CTNNA3: variants seen among roughly 807,000 people sequenced by gnomAD.
CTNNA3 encodes the protein catenin alpha-3.
In CTNNA3, 76 loss-of-function variants were observed where a neutral mutation model predicts 95.7. The observed-to-expected ratio is 0.79, with a 90% CI of 0.66 to 0.96. The LOEUF (loss-of-function observed/expected upper bound fraction) is 0.96. Among genes scored for constraint, CTNNA3 ranks in the 40% least tolerant of loss-of-function variants. The pLI, the probability that CTNNA3 is intolerant of heterozygous loss-of-function variation, is 0.00. For synonymous variants in CTNNA3, 431 were observed against 374.4 expected, an observed-to-expected ratio of 1.15 and a Z score of -1.74; for missense variants, 1,191 against 1,089.8, an observed-to-expected ratio of 1.09 and a Z score of -1.31.
At chr10:67,312,693 T>C (rs1840862374) in intron 5 of CTNNA3, among the ~76,000 whole-genome samples, 1 of 152,336 alleles carries the variant, frequency 6.6e-6, no homozygotes, top group Non-Finnish European at 1.5e-5. Flanking sequence ...TTCATTAGCA[T>C]GTCCCTGGAC....
chr10:67,077,030 T>C (rs1036546001), intron 7 of CTNNA3, among the ~76,000 whole-genome samples: 2 of 152,158 alleles, frequency 1.3e-5, no homozygotes, highest in African/African-American at 4.8e-5. Context: ...CATGAAGATA[T>C]TTGTGCATCC....
chr10:67,499,770 G>C (rs1589362743), intron 5 of CTNNA3, among the ~76,000 whole-genome samples: 1 of 152,246 alleles, frequency 6.6e-6, no homozygotes, highest in African/African-American at 2.4e-5. Context: ...TGTGGGATCG[G>C]TGGTGATATC....
At chr10:66,210,608 CTTACTT>C (rs1371996541) in intron 13 of CTNNA3, among the ~76,000 whole-genome samples, 4 of 151,950 alleles carry the variant, frequency 2.6e-5, no homozygotes, top group Non-Finnish European at 4.4e-5. Flanking sequence ...TAGGTACACT[CTTACTT>C]TTACAGAAAT....
intron 9 of CTNNA3, among the ~76,000 whole-genome samples, chr10:66,695,998 A>C (rs544758154): frequency 6.6e-6 from 1 of 152,208 alleles, no homozygotes; most frequent in African/African-American, 2.4e-5. Flanking sequence ...CTTTGCCAGA[A>C]GTTCAAGTCA....
intron 9 of CTNNA3, among the ~76,000 whole-genome samples, chr10:66,742,873 T>C (rs759064582): frequency 9.2e-5 from 14 of 152,368 alleles, no homozygotes; most frequent in South Asian, 2.1e-4. Flanking sequence ...TATTTTAATA[T>C]GTAAACATCT....
Position 66,909,324 on chromosome 10 carries a change from A to G in CTNNA3, c.1048-133800T>C, listed in dbSNP as rs1288599596. 2.6e-5 allele frequency among the ~76,000 whole-genome samples: 4 copies of G among 152,224 alleles called. No homozygotes were observed. In the East Asian group the frequency reaches 7.7e-4, roughly 29 times the overall value. ...GAGGCTGGGAGTTCGAGACCAGCCA[A>G]CACAGAGAAACCCCATCTCTACTAA... On this transcript the variant is annotated intron_variant, in intron 7 of 17. Transcript: ENST00000433211.
rs928952878 is a variant in CTNNA3 at position 67,654,049 on chromosome 10, G to A, written c.-5-6531C>T. Reference sequence around the variant, plus strand: ...AGATTGAGTTTGGGTGTACAGGCTGGGCTGTCAACTTGCAGGCACTCAAGG... The same window carrying A: ...AGATTGAGTTTGGGTGTACAGGCTGAGCTGTCAACTTGCAGGCACTCAAGG... On this transcript the variant is annotated intron_variant, in intron 1 of 17. Coordinates refer to ENST00000433211, the MANE Select transcript of CTNNA3 (RefSeq NM_013266.4). Among the ~76,000 whole-genome samples, 34 of 152,202 alleles carry A rather than the reference G, an allele frequency of 2.2e-4. 3 individuals are homozygous for A. The highest frequency in any genetic ancestry group is 1.4e-3 in the East Asian group (7 of 5,158).
At chr10:67,504,890 C>T (rs1269546830) in intron 5 of CTNNA3, among the ~76,000 whole-genome samples, 1 of 152,184 alleles carries the variant, frequency 6.6e-6, no homozygotes. Flanking sequence ...AATTTATTTG[C>T]TTCTGTTTCA....
chr10:66,977,389 T>C (rs1850109256), intron 7 of CTNNA3, among the ~76,000 whole-genome samples: 1 of 150,458 alleles, frequency 6.6e-6, no homozygotes, highest in African/African-American at 2.5e-5. Flanking sequence ...TGAGCCAAGA[T>C]CACGCCACTG....
intron 11 of CTNNA3, among the ~76,000 whole-genome samples, chr10:66,422,855 C>T (rs2132638188): frequency 7.1e-6 from 1 of 140,536 alleles, no homozygotes; most frequent in African/African-American, 2.8e-5. Flanking sequence ...GTCTTGAACC[C>T]CTGACCTCAA....
intron 13 of CTNNA3, among the ~76,000 whole-genome samples, chr10:66,255,526 ACC>A (rs2090734068): frequency 1.3e-5 from 2 of 152,022 alleles, no homozygotes; most frequent in Admixed American, 6.6e-5. Flanking sequence ...CTTCTTCTCT[ACC>A]CGATTCTGAT....
At chr10:67,002,827 T>C (rs1851761700) in intron 7 of CTNNA3, among the ~76,000 whole-genome samples, 2 of 152,184 alleles carry the variant, frequency 1.3e-5, no homozygotes, top group African/African-American at 4.8e-5. Flanking sequence ...TATTTGATTA[T>C]GAATGTCTTC....
At chr10:66,923,969 T>C (rs1846929146) in intron 7 of CTNNA3, among the ~76,000 whole-genome samples, 1 of 152,256 alleles carries the variant, frequency 6.6e-6, no homozygotes, top group African/African-American at 2.4e-5. Context: ...TCTTTGTCCT[T>C]GTGGAACTTA....
chr10:67,703,468 A>T (rs1025793425), intron 1 of CTNNA3, among the ~76,000 whole-genome samples: 5 of 152,210 alleles, frequency 3.3e-5, no homozygotes, highest in African/African-American at 1.2e-4. Context: ...AGGCTGGTTC[A>T]ATATACGCAA....
At chr10:66,266,041 G>A (rs988163929) in intron 13 of CTNNA3, among the ~76,000 whole-genome samples, 5 of 128,462 alleles carry the variant, frequency 3.9e-5, no homozygotes, top group Admixed American at 7.1e-5. Flanking sequence ...GAAGGAGGGA[G>A]AGAGGGAGGG....
At chr10:67,293,154 A>G (rs1839901925) in intron 5 of CTNNA3, among the ~76,000 whole-genome samples, 1 of 152,182 alleles carries the variant, frequency 6.6e-6, no homozygotes, top group Admixed American at 6.5e-5. Context: ...TAAAGTTGCT[A>G]AGCTTGATCA....
intron 11 of CTNNA3, among the ~76,000 whole-genome samples, chr10:66,448,410 A>G (rs901859417): frequency 1.3e-5 from 2 of 152,194 alleles, no homozygotes; most frequent in African/African-American, 4.8e-5. Context: ...CACAATAGCA[A>G]AGACTTGGAA....
intron 7 of CTNNA3, among the ~76,000 whole-genome samples, chr10:67,021,829 TAAA>T (rs2133075812): frequency 6.6e-6 from 1 of 152,250 alleles, no homozygotes; most frequent in East Asian, 1.9e-4. Flanking sequence ...GGAAGTACTA[TAAA>T]GGGAAACATG....
intron 7 of CTNNA3, among the ~76,000 whole-genome samples, chr10:66,931,192 T>A (rs1413577328): frequency 1.4e-4 from 17 of 118,662 alleles, no homozygotes; most frequent in Admixed American, 2.7e-4. Context: ...TGACAACAGT[T>A]AAAAAAAAAA....
Sources: gnomAD v4.1 joint callset for allele counts (sites outside exome capture counted in the v4.1 genomes callset) on GRCh38, gnomAD v4.1.1 for gene constraint, MANE v1.5 for transcripts, NCBI Gene and HGNC (gene_info 2026-07-23, HGNC 2026-07-21) for gene names.